CSMD3: variants seen among roughly 807,000 people sequenced by gnomAD.
CSMD3 encodes CUB and Sushi multiple domains 3.
CSMD3 carries 177 observed loss-of-function variants against 435.2 expected under a neutral mutation model. The ratio of observed to expected loss-of-function variants is 0.41; its 90% CI spans 0.36 to 0.46. The LOEUF is 0.46. Among genes scored for constraint, CSMD3 ranks in the 20% least tolerant of loss-of-function variants. The pLI, the probability that CSMD3 is intolerant of heterozygous loss-of-function variation, is 0.34. For synonymous variants in CSMD3, 1,656 were observed against 1,520.5 expected, an observed-to-expected ratio of 1.09 and a Z score of -2.07; for missense variants, 4,265 against 4,504.6, an observed-to-expected ratio of 0.95 and a Z score of 1.52.
At chr8:112,778,593 AT>A (rs1294291436) in intron 13 of CSMD3, among the ~76,000 whole-genome samples, 1 of 151,902 alleles carries the variant, frequency 6.6e-6, no homozygotes, top group African/African-American at 2.4e-5. Flanking sequence ...ACTGAAAGAC[AT>A]TCTGGTTGCT....
intron 13 of CSMD3, among the ~76,000 whole-genome samples, chr8:112,700,969 A>G (rs2076376827): frequency 6.6e-6 from 1 of 152,144 alleles, no homozygotes; most frequent in Non-Finnish European, 1.5e-5. Flanking sequence ...CACATAATTA[A>G]ACATTCAGCT....
chr8:112,454,306 A>T (rs1249148641), intron 32 of CSMD3, among the ~76,000 whole-genome samples: 1 of 152,104 alleles, frequency 6.6e-6, no homozygotes, highest in East Asian at 1.9e-4. Flanking sequence ...ACAAACAAAC[A>T]ATCAACAGAG....
chr8:112,945,315 C>A (rs2083569065), intron 9 of CSMD3, among the ~76,000 whole-genome samples: 1 of 151,674 alleles, frequency 6.6e-6, no homozygotes, highest in Non-Finnish European at 1.5e-5. Flanking sequence ...ACTGAAGAAA[C>A]CTAACTAAAA....
rs183733681 is a variant in CSMD3 at position 113,294,814 on chromosome 8, C to T, written c.402-16110G>A. ...AATAAAGGACAATCCTAATTACAGA[C>T]TTGCGGAAGGAGAAAATGAGGAACA... On this transcript the variant is annotated intron_variant, in intron 2 of 70. Transcript: ENST00000297405. 5.3e-3 allele frequency among the ~76,000 whole-genome samples: 813 copies of T among 152,052 alleles called. 5 individuals carry two copies. The highest frequency in any genetic ancestry group is 0.01 in the Middle Eastern group (3 of 294).
At chr8:113,360,944 T>G (rs1232816908) in intron 1 of CSMD3, among the ~76,000 whole-genome samples, 1 of 152,156 alleles carries the variant, frequency 6.6e-6, no homozygotes, top group Non-Finnish European at 1.5e-5. Flanking sequence ...ATGGAAACAT[T>G]TATAAGTATT....
At chr8:113,234,385 C>T (rs2093124380) in intron 3 of CSMD3, among the ~76,000 whole-genome samples, 1 of 152,098 alleles carries the variant, frequency 6.6e-6, no homozygotes, top group African/African-American at 2.4e-5. Context: ...TAGATATCAA[C>T]CCATGCCCTT....
chr8:112,333,669 T>TACACACACACACACAC (rs147365873), intron 45 of CSMD3, among the ~76,000 whole-genome samples: 9 of 147,844 alleles, frequency 6.1e-5, no homozygotes, highest in Non-Finnish European at 1.3e-4. Context: ...TTCTGTCTCA[T>TACACACACACACACAC]ACACACACAC....
intron 9 of CSMD3, among the ~76,000 whole-genome samples, chr8:112,937,789 T>C (rs1451605350): frequency 6.6e-6 from 1 of 152,068 alleles, no homozygotes; most frequent in Non-Finnish European, 1.5e-5. Context: ...ATTGTCTGTA[T>C]AACACAAGAA....
At chr8:112,614,101 T>A (rs1469810192) in intron 22 of CSMD3, among the ~76,000 whole-genome samples, 2 of 152,068 alleles carry the variant, frequency 1.3e-5, no homozygotes, top group Non-Finnish European at 2.9e-5. Context: ...AGCAGAGAAC[T>A]GAAGGAAGCA....
At chr8:112,804,767 C>T (rs1349925955) in intron 12 of CSMD3, among the ~76,000 whole-genome samples, 1 of 151,896 alleles carries the variant, frequency 6.6e-6, no homozygotes, top group African/African-American at 2.4e-5. Context: ...CGGGTTCAAG[C>T]AATTATCCTG....
At chr8:113,382,478 A>G (rs1563766779) in intron 1 of CSMD3, among the ~76,000 whole-genome samples, 1 of 151,630 alleles carries the variant, frequency 6.6e-6, no homozygotes, top group Non-Finnish European at 1.5e-5. Flanking sequence ...CATTTTTGTA[A>G]TACTTTTGTA....
intron 24 of CSMD3, among the ~76,000 whole-genome samples, chr8:112,571,328 A>C (rs1271542631): frequency 3.3e-5 from 5 of 152,250 alleles, no homozygotes; most frequent in African/African-American, 1.2e-4. Context: ...AATTAAGAAA[A>C]GAAATGTGAC....
intron 2 of CSMD3, among the ~76,000 whole-genome samples, chr8:113,302,319 AATAAT>A (rs1390094320): frequency 4.2e-5 from 6 of 142,654 alleles, no homozygotes; most frequent in African/African-American, 1.3e-4. Context: ...TTATATATAT[AATAAT>A]ATAATATAAT....
At chr8:112,908,871 G>C (rs1449798977) in intron 10 of CSMD3, among the ~76,000 whole-genome samples, 1 of 151,456 alleles carries the variant, frequency 6.6e-6, no homozygotes, top group African/African-American at 2.4e-5. Flanking sequence ...AAAATAACCT[G>C]TGTCCTCCTT....
chr8:112,829,395 C>A (rs761224787), intron 12 of CSMD3, among the ~76,000 whole-genome samples: 54 of 152,108 alleles, frequency 3.6e-4, no homozygotes, highest in Non-Finnish European at 1.0e-4. Context: ...CTGCTGACAC[C>A]TTAATCTTGT....
At chr8:112,430,826 G>T (rs1813598915) in intron 32 of CSMD3, among the ~76,000 whole-genome samples, 1 of 151,858 alleles carries the variant, frequency 6.6e-6, no homozygotes, top group African/African-American at 2.4e-5. Context: ...TGTCCTAAAT[G>T]TACTCAAGAG....
intron 5 of CSMD3, among the ~76,000 whole-genome samples, chr8:113,076,119 C>A (rs1402488233): frequency 6.6e-6 from 1 of 151,360 alleles, no homozygotes; most frequent in Admixed American, 6.6e-5. Flanking sequence ...ATTCATGGAA[C>A]TTTTTATTTG....
chr8:112,345,291 G>C (rs1009658168), intron 41 of CSMD3, among the ~76,000 whole-genome samples: 1 of 152,090 alleles, frequency 6.6e-6, no homozygotes, highest in Non-Finnish European at 1.5e-5. Flanking sequence ...CTTCAATCTT[G>C]TATTTCTGCA....
chr8:112,663,876 C>G (rs1480568329), intron 17 of CSMD3, among the ~76,000 whole-genome samples: 1 of 152,038 alleles, frequency 6.6e-6, no homozygotes, highest in Non-Finnish European at 1.5e-5. Context: ...GCCTCAGTGT[C>G]TATTATGTAG....
Sources: allele counts gnomAD v4.1 joint callset (sites outside exome capture counted in the v4.1 genomes callset), GRCh38; gene constraint gnomAD v4.1.1; transcripts MANE v1.5; gene names NCBI Gene and HGNC (gene_info 2026-07-23, HGNC 2026-07-21).